Variants in GYG1 observed in about 807,000 individuals in gnomAD.
GYG1 encodes glycogenin-1.
Under a neutral mutation model 41.9 loss-of-function variants are expected in GYG1, and 44 were observed. The ratio of observed to expected loss-of-function variants is 1.05; its 90% CI spans 0.83 to 1.35. GYG1 has a LOEUF of 1.35. Among genes scored for constraint, GYG1 ranks in the 40% most tolerant of loss-of-function variants. The pLI is 0.00. For synonymous variants in GYG1, 141 were observed against 158.1 expected (o/e 0.89, Z 0.81); for missense variants, 429 against 418.9 (o/e 1.02, Z -0.21).
Position 149,029,524 on chromosome 3 carries a change from A to ATATT in GYG1, c.*2593_*2596dup, listed in dbSNP as rs1714839988. ...TCCTGCTGTATAACACATTTTGCAG[A>ATATT]TATTTTGAAGTTAATGTGTTAAAAA... is the stretch of plus-strand genomic sequence containing the variant. On this transcript the variant is annotated 3_prime_UTR_variant, in exon 8 of 8. Coordinates refer to ENST00000345003, the MANE Select transcript of GYG1 (RefSeq NM_004130.4). Among the ~76,000 whole-genome samples, 1 of 151,996 alleles carries ATATT rather than the reference A, an allele frequency of 6.6e-6. No individual in the cohort carries two copies. Among genetic ancestry groups the ATATT allele is most frequent in the Admixed American group, 6.5e-5 (1 of 15,284 alleles).
chr3:148,996,999 C>G, intron 4 of GYG1, 95 bp downstream of exon 4: 1 of 961,714 alleles, frequency 1.0e-6, no homozygotes, highest in Non-Finnish European at 1.7e-6. Context: ...TTTATTCTGC[C>G]TGGAAGATAT....
At chr3:148,991,841 G>C (rs978951523) in intron 1 of GYG1, among the ~76,000 whole-genome samples, 194 bp downstream of exon 1, 1 of 152,248 alleles carries the variant, frequency 6.6e-6, no homozygotes, top group Admixed American at 6.5e-5. Flanking sequence ...AGAGTGCAGG[G>C]ATGGGGCAGC....
At chr3:149,019,172 T>A (rs1345278856) in intron 5 of GYG1, among the ~76,000 whole-genome samples, 1 of 152,086 alleles carries the variant, frequency 6.6e-6, no homozygotes, top group East Asian at 1.9e-4. Flanking sequence ...ACCTATGATA[T>A]CTGAATCCTT....
intron 4 of GYG1, among the ~76,000 whole-genome samples, chr3:149,007,415 G>A (rs533740971): frequency 8.5e-5 from 13 of 152,286 alleles, no homozygotes; most frequent in African/African-American, 1.9e-4. Flanking sequence ...TCTGTTGTTC[G>A]TCCTTTGAGG....
chr3:149,018,653 G>C, intron 5 of GYG1, among the ~76,000 whole-genome samples: 1 of 152,038 alleles, frequency 6.6e-6, no homozygotes, highest in East Asian at 1.9e-4. Flanking sequence ...TAAACCTTCC[G>C]TGTTCAGTGA....
chr3:149,012,997 T>TTGTGTGTGTGTG (rs10575910), intron 5 of GYG1, among the ~76,000 whole-genome samples: 5,555 of 141,404 alleles, frequency 0.039, 220 homozygotes, highest in African/African-American at 0.089. Context: ...CTCAGTTAAT[T>TTGTGTGTGTGTG]TGTGTGTGTG....
At chr3:148,993,894 G>T (rs947944341) in intron 1 of GYG1, among the ~76,000 whole-genome samples, 1 of 152,182 alleles carries the variant, frequency 6.6e-6, no homozygotes, top group South Asian at 2.1e-4. Context: ...AGAATTTAGC[G>T]TGTCGGATTT....
chr3:148,996,602 A>C, intron 3 of GYG1, 126 bp downstream of exon 3: 1 of 1,185,394 alleles, frequency 8.4e-7, no homozygotes, highest in Admixed American at 1.7e-5. Context: ...GTCATGAAAT[A>C]TGTCAGGGGA....
At chr3:149,003,800 G>T (rs1179072650) in intron 4 of GYG1, among the ~76,000 whole-genome samples, 1 of 152,116 alleles carries the variant, frequency 6.6e-6, no homozygotes, top group Non-Finnish European at 1.5e-5. Context: ...AGATGCTGGG[G>T]CTCATGTCTA....
At chr3:148,996,509 C>CAT (rs760884076) in intron 3 of GYG1, 33 bp downstream of exon 3, 594 of 1,541,590 alleles carry the variant, frequency 3.9e-4, no homozygotes, top group East Asian at 4.5e-4. Flanking sequence ...AAAAGAAAGA[C>CAT]ATATATATAT....
In GYG1 at chr3:148,997,054, TTGTGTGTG is replaced by T. The variant is rs10571382; in HGVS notation, c.481+172_481+179del. ...TTAAGTTGTGCTCTTCTGGGAAATA[TTGTGTGTG>T]TGTGTGTGTGTGTGTGTGTGTAAAT... On this transcript the variant is annotated intron_variant, in intron 4 of 7. Transcript: ENST00000345003. 30 of 606,478 alleles carry T rather than the reference TTGTGTGTG, an allele frequency of 4.9e-5. 1 individual carries two copies. Among genetic ancestry groups the T allele is most frequent in the Non-Finnish European group, 6.5e-5 (22 of 336,796 alleles). 37.6% of individuals were successfully genotyped at this position (606,478 alleles called of 1,614,324 possible).
At position 149,030,375 on chromosome 3, in the gene GYG1, A is replaced by T. The variant is rs1480514823; in HGVS notation, c.*3442A>T. On this transcript the variant is annotated 3_prime_UTR_variant, in exon 8 of 8. Coordinates refer to ENST00000345003, the MANE Select transcript of GYG1 (RefSeq NM_004130.4). Reference sequence around the variant, plus strand: ...TTAAAATATAACAACATCTAACAGAACTGTACAAAACAAAGAGACATTTTT... The same window carrying T: ...TTAAAATATAACAACATCTAACAGATCTGTACAAAACAAAGAGACATTTTT... 1 of 152,196 alleles carries T rather than the reference A, an allele frequency of 6.6e-6. No homozygotes were observed. The highest frequency in any genetic ancestry group is 1.9e-4 in the East Asian group (1 of 5,196). 9.4% of individuals were successfully genotyped at this position (152,196 alleles called of 1,614,324 possible). A position where few individuals can be genotyped will look rare whatever the true frequency, so the allele number is the denominator to read the frequency against.
intron 4 of GYG1, among the ~76,000 whole-genome samples, chr3:149,006,079 T>TC (rs1421342380): frequency 2.2e-5 from 3 of 133,388 alleles, no homozygotes; most frequent in African/African-American, 9.0e-5. Context: ...TTCATCATAT[T>TC]CTTTTTTTTT....
chr3:149,031,568 TTAAC>T lies in GYG1; in HGVS notation c.*4639_*4642del, dbSNP rs1251064507. ...ATTTAAACAATGAGTGTAGTACTAC[TTAAC>T]TAAAATGGAAAAAATAGTACTCTTA... On this transcript the variant is annotated 3_prime_UTR_variant, in exon 8 of 8. Coordinates refer to ENST00000345003, the MANE Select transcript of GYG1 (RefSeq NM_004130.4). 6.6e-6 allele frequency: 1 copy of T among 152,424 alleles called. No homozygotes were observed. The highest frequency in any genetic ancestry group is 1.5e-5 in the Non-Finnish European group (1 of 68,008). The allele number at this position is 152,424 out of a possible 1,614,324, so 9.4% of individuals were successfully genotyped here. A position where few individuals can be genotyped will look rare whatever the true frequency, so the allele number is the denominator to read the frequency against.
intron 5 of GYG1, among the ~76,000 whole-genome samples, chr3:149,017,584 T>G (rs1047753564): frequency 9.1e-5 from 3 of 33,074 alleles, no homozygotes; most frequent in Admixed American, 3.2e-4. Flanking sequence ...TTATTTAGGT[T>G]TTTTTTTTTT....
chr3:148,996,648 C>A (rs1157529637), intron 3 of GYG1, 94 bp from the exon 4 acceptor site: 2 of 1,318,804 alleles, frequency 1.5e-6, no homozygotes, highest in African/African-American at 2.9e-5. Flanking sequence ...TTACAGCTGT[C>A]ACCATCTTTT....
chr3:149,004,439 T>C (rs1476279924), intron 4 of GYG1, among the ~76,000 whole-genome samples: 1 of 152,196 alleles, frequency 6.6e-6, no homozygotes, highest in Non-Finnish European at 1.5e-5. Context: ...TGTCCTATCA[T>C]TTAAAGATTT....
Position 148,996,284 on chromosome 3 carries a change from T to C in GYG1, c.144-18T>C. ...TGAAAAGATGCTAAGTGTGGTATTCTGGATTTTATTTTGACAGAAAAGTTT... is the reference window on the plus strand; with the variant it reads ...TGAAAAGATGCTAAGTGTGGTATTCCGGATTTTATTTTGACAGAAAAGTTT... On this transcript the variant is annotated intron_variant, in intron 2 of 7. Transcript: ENST00000345003. 6.3e-7 allele frequency: 1 copy of C among 1,592,440 alleles called. No homozygotes were observed. The highest frequency in any genetic ancestry group is 1.1e-5 in the South Asian group (1 of 90,602).
intron 4 of GYG1, among the ~76,000 whole-genome samples, chr3:149,004,826 C>G (rs1045557410): frequency 6.6e-6 from 1 of 152,160 alleles, no homozygotes; most frequent in Non-Finnish European, 1.5e-5. Context: ...CTGTACACCC[C>G]GTGCTTCCCA....
Sources: allele counts gnomAD v4.1 joint callset (sites outside exome capture counted in the v4.1 genomes callset), GRCh38; gene constraint gnomAD v4.1.1; transcripts MANE v1.5; gene names NCBI Gene and HGNC (gene_info 2026-07-23, HGNC 2026-07-21).